FBXL17: variants seen among roughly 807,000 people sequenced by gnomAD.
The protein encoded by FBXL17 is F-box and leucine rich repeat protein 17, also known as F-box/LRR-repeat protein 17.
FBXL17 carries 22 observed loss-of-function variants against 66.2 expected under a neutral mutation model. The ratio of observed to expected loss-of-function variants is 0.33; its 90% CI spans 0.24 to 0.47. FBXL17 has a LOEUF of 0.47. FBXL17 is among the 20% of genes least tolerant of loss of function. The pLI, the probability that FBXL17 is intolerant of heterozygous loss-of-function variation, is 1.00. For missense variants in FBXL17, 878 were observed against 948.2 expected, an observed-to-expected ratio of 0.93 and a Z score of 0.97; for synonymous variants, 474 against 400.5, an observed-to-expected ratio of 1.18 and a Z score of -2.19.
At chr5:108,302,630 T>G (rs938893851) in intron 4 of FBXL17, among the ~76,000 whole-genome samples, 3 of 151,788 alleles carry the variant, frequency 2.0e-5, no homozygotes, top group African/African-American at 7.2e-5. Flanking sequence ...ACTGTTAATT[T>G]TACTATATTT....
chr5:108,064,026 G>A (rs1189249802), intron 6 of FBXL17, among the ~76,000 whole-genome samples: 1 of 152,018 alleles, frequency 6.6e-6, no homozygotes, highest in Non-Finnish European at 1.5e-5. Flanking sequence ...TAATAAAAAT[G>A]ATGTGGTATG....
intron 7 of FBXL17, among the ~76,000 whole-genome samples, chr5:108,020,308 C>T (rs75587434): frequency 0.012 from 1,759 of 151,870 alleles, 29 homozygotes; most frequent in African/African-American, 0.041. Flanking sequence ...AAAGGAAGGG[C>T]TAGGTTATTT....
intron 4 of FBXL17, among the ~76,000 whole-genome samples, chr5:108,231,800 G>A (rs1755353930): frequency 6.6e-6 from 1 of 152,178 alleles, no homozygotes; most frequent in South Asian, 2.1e-4. Context: ...TAGGAACACA[G>A]GAGATCCATA....
At chr5:108,145,188 A>T (rs935776271) in intron 6 of FBXL17, among the ~76,000 whole-genome samples, 1 of 152,216 alleles carries the variant, frequency 6.6e-6, no homozygotes, top group Admixed American at 6.5e-5. Flanking sequence ...AATTTAGATT[A>T]AAAAAGCATA....
chr5:108,118,109 A>T (rs1249993159), intron 6 of FBXL17, among the ~76,000 whole-genome samples: 1 of 152,168 alleles, frequency 6.6e-6, no homozygotes, highest in Non-Finnish European at 1.5e-5. Context: ...CCAGGGTCCA[A>T]AGCCACTGTT....
Position 108,381,761 on chromosome 5 carries a change from G to C in FBXL17, c.-70C>G, listed in dbSNP as rs1473837339. 1.5e-6 allele frequency: 2 copies of C among 1,370,800 alleles called. No homozygotes were observed. The highest frequency in any genetic ancestry group is 1.5e-5 in the African/African-American group (1 of 65,190). The allele number at this position is 1,370,800 out of a possible 1,614,324, so 84.9% of individuals were successfully genotyped here. On this transcript the variant is annotated 5_prime_UTR_variant, in exon 1 of 9. Transcript: ENST00000542267. ...CCCAGAGAGGCGGGCTCCCGGCAGCGGGGCAGGCCGCTCGCTGGCTCGGCC... is the reference window on the plus strand; with the variant it reads ...CCCAGAGAGGCGGGCTCCCGGCAGCCGGGCAGGCCGCTCGCTGGCTCGGCC...
intron 7 of FBXL17, among the ~76,000 whole-genome samples, chr5:107,892,355 G>A (rs903052572): frequency 6.6e-6 from 1 of 152,060 alleles, no homozygotes; most frequent in Non-Finnish European, 1.5e-5. Flanking sequence ...TATTTATTGG[G>A]TAGCTACAAG....
chr5:107,957,824 T>C (rs1225599066), intron 7 of FBXL17, among the ~76,000 whole-genome samples: 1 of 152,066 alleles, frequency 6.6e-6, no homozygotes, highest in East Asian at 1.9e-4. Flanking sequence ...TTCAGTTGGA[T>C]TGAGGAAGAA....
At chr5:108,006,283 T>C (rs1419915883) in intron 7 of FBXL17, among the ~76,000 whole-genome samples, 3 of 152,216 alleles carry the variant, frequency 2.0e-5, no homozygotes, top group East Asian at 3.8e-4. Context: ...GATAAATAGA[T>C]TATAAGATAG....
chr5:108,207,365 C>T (rs183159362), intron 5 of FBXL17, among the ~76,000 whole-genome samples: 4 of 151,918 alleles, frequency 2.6e-5, no homozygotes, highest in African/African-American at 4.8e-5. Flanking sequence ...TTCTGGGGTA[C>T]GTATGGCAGA....
intron 7 of FBXL17, among the ~76,000 whole-genome samples, chr5:107,966,612 G>A (rs1407621604): frequency 6.6e-6 from 1 of 152,076 alleles, no homozygotes; most frequent in Non-Finnish European, 1.5e-5. Context: ...TTTCAACCTG[G>A]AAGCATTTTT....
chr5:108,140,423 G>C (rs1751306445), intron 6 of FBXL17, among the ~76,000 whole-genome samples: 1 of 152,150 alleles, frequency 6.6e-6, no homozygotes, highest in Non-Finnish European at 1.5e-5. Context: ...GCTTCCCATA[G>C]TCCTTAACCT....
At chr5:108,064,062 C>A (rs1215723026) in intron 6 of FBXL17, among the ~76,000 whole-genome samples, 1 of 151,948 alleles carries the variant, frequency 6.6e-6, no homozygotes, top group South Asian at 2.1e-4. Flanking sequence ...TATTGAGAAG[C>A]AATAATACTG....
intron 6 of FBXL17, among the ~76,000 whole-genome samples, chr5:108,035,126 T>C (rs1310835245): frequency 3.9e-5 from 6 of 152,222 alleles, no homozygotes; most frequent in African/African-American, 1.4e-4. Flanking sequence ...TGTACCTTTA[T>C]AGTTATGTAC....
intron 4 of FBXL17, among the ~76,000 whole-genome samples, chr5:108,313,645 ATATAT>A (rs1483966924): frequency 2.6e-5 from 4 of 152,018 alleles, no homozygotes; most frequent in African/African-American, 9.7e-5. Flanking sequence ...ATTTACATTT[ATATAT>A]TATGATATTC....
At chr5:108,212,232 A>G (rs1025414406) in intron 5 of FBXL17, among the ~76,000 whole-genome samples, 6 of 152,196 alleles carry the variant, frequency 3.9e-5, no homozygotes, top group Admixed American at 3.3e-4. Context: ...CGATTCGTCT[A>G]ACCTTTTTTC....
At chr5:107,980,664 A>ATATATATATATATATATATATATATTTT in intron 7 of FBXL17, among the ~76,000 whole-genome samples, 24 of 62,028 alleles carry the variant, frequency 3.9e-4, no homozygotes, top group African/African-American at 1.4e-3. Context: ...ATATATATAT[A>ATATATATATATATATATATATATATTTT]TTTTTTTTTT....
intron 4 of FBXL17, among the ~76,000 whole-genome samples, chr5:108,306,864 G>T (rs1030045150): frequency 6.6e-6 from 1 of 151,436 alleles, no homozygotes; most frequent in Admixed American, 6.6e-5. Context: ...AAAAGTCCAG[G>T]GTTATCTCTA....
At chr5:108,177,465 T>C (rs934582419) in intron 6 of FBXL17, among the ~76,000 whole-genome samples, 1 of 152,180 alleles carries the variant, frequency 6.6e-6, no homozygotes, top group South Asian at 2.1e-4. Flanking sequence ...CAACCATGTC[T>C]GATGTCTGAG....
Sources: gnomAD v4.1 joint callset for allele counts (sites outside exome capture counted in the v4.1 genomes callset) on GRCh38, gnomAD v4.1.1 for gene constraint, MANE v1.5 for transcripts, NCBI Gene and HGNC (gene_info 2026-07-23, HGNC 2026-07-21) for gene names.